Variants in ADAMTSL1 observed in about 807,000 individuals in gnomAD.
The protein encoded by ADAMTSL1 is ADAMTS like 1.
A neutral mutation model predicts 201.8 loss-of-function variants in ADAMTSL1; 126 were observed. The observed-to-expected ratio is 0.62, with a 90% CI of 0.54 to 0.72. The LOEUF is 0.72. Ranked by LOEUF, ADAMTSL1 falls within the 30% of genes least tolerant of loss-of-function variation. The pLI, the probability that ADAMTSL1 is intolerant of heterozygous loss-of-function variation, is 0.00. For synonymous variants in ADAMTSL1, 1,121 were observed against 903.4 expected (o/e 1.24, Z -4.32); for missense variants, 2,679 against 2,277.8 (o/e 1.18, Z -3.59).
At chr9:18,255,931 T>C (rs574189247) in intron 2 of ADAMTSL1, among the ~76,000 whole-genome samples, 4 of 152,238 alleles carry the variant, frequency 2.6e-5, no homozygotes, top group African/African-American at 9.6e-5. Context: ...TGTGGTCTTG[T>C]TTCTCATATG....
intron 2 of ADAMTSL1, among the ~76,000 whole-genome samples, chr9:18,420,689 G>T (rs1391291288): frequency 1.3e-5 from 2 of 152,174 alleles, no homozygotes; most frequent in Non-Finnish European, 2.9e-5. Context: ...TGAGAGGGAG[G>T]ATGTTGCATT....
intron 2 of ADAMTSL1, among the ~76,000 whole-genome samples, chr9:18,365,954 T>A (rs1030595041): frequency 6.6e-6 from 1 of 152,122 alleles, no homozygotes; most frequent in Non-Finnish European, 1.5e-5. Context: ...GCCTGATGAT[T>A]TGAGATGGAA....
intron 14 of ADAMTSL1, among the ~76,000 whole-genome samples, chr9:18,719,183 G>A (rs1031706544): frequency 3.9e-5 from 6 of 152,016 alleles, no homozygotes; most frequent in Admixed American, 1.3e-4. Flanking sequence ...AGAATATGAT[G>A]GAATAATTTG....
intron 2 of ADAMTSL1, among the ~76,000 whole-genome samples, chr9:18,532,280 A>T (rs1450920651): frequency 2.0e-5 from 3 of 152,136 alleles, no homozygotes; most frequent in Non-Finnish European, 4.4e-5. Flanking sequence ...TACAACTTTT[A>T]TGGAGTGCAT....
chr9:18,783,775 A>G (rs1821540534), intron 19 of ADAMTSL1, among the ~76,000 whole-genome samples: 1 of 152,224 alleles, frequency 6.6e-6, no homozygotes, highest in South Asian at 2.1e-4. Flanking sequence ...AAAGGTTATT[A>G]AAAACAAACA....
chr9:18,216,271 CAA>C (rs1830051953), intron 2 of ADAMTSL1, among the ~76,000 whole-genome samples: 3 of 152,130 alleles, frequency 2.0e-5, no homozygotes, highest in African/African-American at 7.2e-5. Context: ...CTGTTTTGGA[CAA>C]AGAGTTTGCC....
chr9:18,459,987 G>A (rs1233247414), intron 2 of ADAMTSL1, among the ~76,000 whole-genome samples: 1 of 152,108 alleles, frequency 6.6e-6, no homozygotes, highest in African/African-American at 2.4e-5. Flanking sequence ...ATCAAGATTT[G>A]CCGAGAATAT....
intron 14 of ADAMTSL1, among the ~76,000 whole-genome samples, chr9:18,714,394 T>G (rs1832790200): frequency 6.6e-6 from 1 of 151,972 alleles, no homozygotes; most frequent in Non-Finnish European, 1.5e-5. Context: ...ATAGATGCAA[T>G]AAAAAATGAT....
At chr9:18,697,515 A>G (rs901415524) in intron 13 of ADAMTSL1, among the ~76,000 whole-genome samples, 1 of 152,206 alleles carries the variant, frequency 6.6e-6, no homozygotes, top group Non-Finnish European at 1.5e-5. Flanking sequence ...TCTTTTGCCT[A>G]TTTCAAAATG....
At chr9:17,982,586 T>A (rs547640957) in intron 1 of ADAMTSL1, among the ~76,000 whole-genome samples, 28 of 152,160 alleles carry the variant, frequency 1.8e-4, no homozygotes, top group African/African-American at 6.3e-4. Flanking sequence ...CACTCCAGCC[T>A]GGGTGACAGA....
chr9:18,364,416 C>T (rs955492599), intron 2 of ADAMTSL1, among the ~76,000 whole-genome samples: 1 of 152,172 alleles, frequency 6.6e-6, no homozygotes, highest in Non-Finnish European at 1.5e-5. Flanking sequence ...GATAATGCCT[C>T]AGGGGTAGAA....
At chr9:18,095,585 G>T (rs1167684870) in intron 1 of ADAMTSL1, among the ~76,000 whole-genome samples, 1 of 151,900 alleles carries the variant, frequency 6.6e-6, no homozygotes, top group Admixed American at 6.6e-5. Flanking sequence ...ACCACGCCCG[G>T]CTAATTTTTT....
At chr9:18,186,183 G>T (rs1475447353) in intron 2 of ADAMTSL1, among the ~76,000 whole-genome samples, 1 of 152,152 alleles carries the variant, frequency 6.6e-6, no homozygotes, top group African/African-American at 2.4e-5. Flanking sequence ...GCTAATGATG[G>T]TTGTGGACCA....
intron 1 of ADAMTSL1, among the ~76,000 whole-genome samples, chr9:18,003,048 G>A (rs1000150515): frequency 9.2e-5 from 14 of 152,032 alleles, no homozygotes; most frequent in Admixed American, 2.0e-4. Context: ...CCATCCTGGA[G>A]TTCAAATTCT....
intron 1 of ADAMTSL1, among the ~76,000 whole-genome samples, chr9:18,018,868 T>C (rs528263085): frequency 6.6e-6 from 1 of 152,050 alleles, no homozygotes; most frequent in Admixed American, 6.6e-5. Flanking sequence ...ACAGAGACTT[T>C]GGCACCTGGA....
Position 17,952,672 on chromosome 9 carries a change from C to T in ADAMTSL1, c.87+45750C>T, listed in dbSNP as rs946529929. 4.6e-5 allele frequency among the ~76,000 whole-genome samples: 7 copies of T among 152,060 alleles called. 1 individual carries two copies. Among genetic ancestry groups the T allele is most frequent in the Middle Eastern group, 3.2e-3 (1 of 316 alleles). Reference sequence around the variant, plus strand: ...GAGGGACCACAGGCACACACCACCACGCCCAGCTAATTTTTGTGTAATTTT... The same window carrying T: ...GAGGGACCACAGGCACACACCACCATGCCCAGCTAATTTTTGTGTAATTTT... On this transcript the variant is annotated intron_variant, in intron 1 of 29. Coordinates refer to the ADAMTSL1 transcript ENST00000680146.
chr9:18,047,736 C>G (rs1433997056), intron 1 of ADAMTSL1, among the ~76,000 whole-genome samples: 2 of 151,918 alleles, frequency 1.3e-5, no homozygotes, highest in African/African-American at 2.4e-5. Flanking sequence ...TGAACGCAGG[C>G]AAAGAAGAAT....
chr9:17,932,678 G>C (rs1469926998), intron 1 of ADAMTSL1, among the ~76,000 whole-genome samples: 1 of 152,070 alleles, frequency 6.6e-6, no homozygotes, highest in African/African-American at 2.4e-5. Context: ...TGTGTGTTGG[G>C]TGGGGATAAA....
intron 2 of ADAMTSL1, among the ~76,000 whole-genome samples, chr9:18,511,548 G>A (rs925076302): frequency 3.3e-5 from 5 of 152,012 alleles, no homozygotes; most frequent in African/African-American, 1.2e-4. Flanking sequence ...TTATTCCAAA[G>A]GCATGTGGCT....
Sources: gnomAD v4.1 joint callset for allele counts (sites outside exome capture counted in the v4.1 genomes callset) on GRCh38, gnomAD v4.1.1 for gene constraint, MANE v1.5 for transcripts, NCBI Gene and HGNC (gene_info 2026-07-23, HGNC 2026-07-21) for gene names.